Variants in MEIS2 observed in about 807,000 individuals in gnomAD.
The protein encoded by MEIS2 is Meis homeobox 2, also known as homeobox protein Meis2.
Under a neutral mutation model 58.6 loss-of-function variants are expected in MEIS2, and 9 were observed. That is an observed-to-expected ratio of 0.15 (90% CI 0.09 to 0.27). The LOEUF is 0.27. Ranked by LOEUF, MEIS2 falls within the 10% of genes least tolerant of loss-of-function variation. The probability of loss-of-function intolerance (pLI) is 1.00; values close to 1 mark genes in which losing one functional copy is unlikely to be tolerated. For missense variants in MEIS2, 427 were observed against 635.0 expected, an observed-to-expected ratio of 0.67 and a Z score of 3.52; for synonymous variants, 221 against 228.4, an observed-to-expected ratio of 0.97 and a Z score of 0.29.
chr15:36,974,628 T>G (rs920695884), intron 8 of MEIS2, among the ~76,000 whole-genome samples: 124 of 152,226 alleles, frequency 8.1e-4, no homozygotes, highest in African/African-American at 2.9e-3. Context: ...TGTTTAAGTC[T>G]GTGGCTTTGA....
At chr15:37,089,782 A>C (rs533652018) in intron 6 of MEIS2, among the ~76,000 whole-genome samples, 45 of 152,190 alleles carry the variant, frequency 3.0e-4, no homozygotes, top group Non-Finnish European at 4.9e-4. Flanking sequence ...ACTTCAAGCA[A>C]GTAGATTTCA....
chr15:37,044,230 G>A (rs1432258088), intron 7 of MEIS2, among the ~76,000 whole-genome samples: 1 of 151,994 alleles, frequency 6.6e-6, no homozygotes, highest in African/African-American at 2.4e-5. Context: ...GCTGCTGGGA[G>A]AAGAAGATGT....
intron 9 of MEIS2, among the ~76,000 whole-genome samples, chr15:36,911,169 A>G (rs1198121252): frequency 2.6e-5 from 4 of 151,922 alleles, no homozygotes; most frequent in African/African-American, 7.3e-5. Flanking sequence ...TTTCCTACTC[A>G]ATGAAATATT....
chr15:37,065,351 T>C (rs1280450755), intron 7 of MEIS2, among the ~76,000 whole-genome samples: 1 of 152,168 alleles, frequency 6.6e-6, no homozygotes, highest in African/African-American at 2.4e-5. Flanking sequence ...AGAAATTCTT[T>C]AGAGGAAAAA....
At chr15:36,945,873 C>G (rs2141375274) in intron 9 of MEIS2, among the ~76,000 whole-genome samples, 1 of 152,056 alleles carries the variant, frequency 6.6e-6, no homozygotes. Context: ...GGCCTGGAGA[C>G]AGCCTTCTAT....
chr15:37,074,187 C>T (rs1234257115), intron 7 of MEIS2, among the ~76,000 whole-genome samples: 1 of 151,904 alleles, frequency 6.6e-6, no homozygotes, highest in East Asian at 1.9e-4. Context: ...AAACACGCCT[C>T]ATATTTTAGC....
intron 7 of MEIS2, among the ~76,000 whole-genome samples, chr15:37,065,874 A>G (rs917465529): frequency 1.3e-5 from 2 of 152,184 alleles, no homozygotes; most frequent in African/African-American, 4.8e-5. Flanking sequence ...AGATCTTATT[A>G]TTCCCAAAGT....
Position 36,931,300 on chromosome 15 carries a change from A to T in MEIS2, c.977+19024T>A, listed in dbSNP as rs560326194. Among the ~76,000 whole-genome samples, 9 of 152,324 alleles carry T rather than the reference A, an allele frequency of 5.9e-5. 1 individual carries two copies. In the South Asian group the frequency reaches 1.9e-3, roughly 32 times the overall value. On this transcript the variant is annotated intron_variant, in intron 9 of 11. Coordinates refer to ENST00000561208, the MANE Select transcript of MEIS2 (RefSeq NM_170675.5). Reference sequence around the variant, plus strand: ...GAAAATAAATGCTGTTTTGTACAGAATAGCACAACCTTGATGGGTGTACTA... The same window carrying T: ...GAAAATAAATGCTGTTTTGTACAGATTAGCACAACCTTGATGGGTGTACTA...
intron 7 of MEIS2, among the ~76,000 whole-genome samples, chr15:37,077,612 C>G (rs972303642): frequency 1.3e-5 from 2 of 151,970 alleles, no homozygotes; most frequent in African/African-American, 4.8e-5. Flanking sequence ...CTGGAACAGA[C>G]AGTGCTACAG....
chr15:37,031,184 C>A (rs1275795675), intron 8 of MEIS2, among the ~76,000 whole-genome samples: 2 of 152,148 alleles, frequency 1.3e-5, no homozygotes, highest in African/African-American at 2.4e-5. Context: ...TAGAATTATT[C>A]TTCTTCTGCA....
chr15:37,062,737 C>A lies in MEIS2; in HGVS notation c.754+21034G>T, dbSNP rs572124012. Among the ~76,000 whole-genome samples the A allele has an allele frequency of 2.0e-5, 3 of 152,274 alleles. No individual in the cohort carries two copies. The South Asian group carries it at 6.2e-4, about 32-fold the overall frequency. On this transcript the variant is annotated intron_variant, in intron 7 of 11. Coordinates refer to ENST00000561208, the MANE Select transcript of MEIS2 (RefSeq NM_170675.5). ...ATATAAGGACCCCTGAAGAATTTAA[C>A]CAAATTTACCTTCTTCTGTTGAATT...
intron 9 of MEIS2, among the ~76,000 whole-genome samples, chr15:36,936,753 G>C (rs1024635683): frequency 6.6e-6 from 1 of 152,134 alleles, no homozygotes; most frequent in Non-Finnish European, 1.5e-5. Flanking sequence ...TGAATGCCCA[G>C]TTTTCTGAGG....
chr15:36,926,639 T>C (rs541145532), intron 9 of MEIS2, among the ~76,000 whole-genome samples: 6 of 152,284 alleles, frequency 3.9e-5, no homozygotes, highest in African/African-American at 1.4e-4. Context: ...GGTGGGCAGG[T>C]CTTGATAATT....
chr15:36,913,734 A>G (rs1595711007), intron 9 of MEIS2, among the ~76,000 whole-genome samples: 1 of 132,086 alleles, frequency 7.6e-6, no homozygotes, highest in African/African-American at 2.6e-5. Flanking sequence ...TCAGGGGGAG[A>G]AAAAAAAAAG....
At chr15:36,945,299 G>A (rs2058523777) in intron 9 of MEIS2, among the ~76,000 whole-genome samples, 1 of 152,034 alleles carries the variant, frequency 6.6e-6, no homozygotes, top group Non-Finnish European at 1.5e-5. Context: ...GATCCAGGAG[G>A]CAAATGATTG....
chr15:36,926,902 C>T (rs756277082), intron 9 of MEIS2, among the ~76,000 whole-genome samples: 2 of 152,130 alleles, frequency 1.3e-5, no homozygotes, highest in Admixed American at 6.5e-5. Flanking sequence ...ATTATAGTCA[C>T]CTGCTGGTAT....
Position 36,890,581 on chromosome 15 carries a change from C to T in MEIS2, c.*1592G>A, listed in dbSNP as rs1389636930. On this transcript the variant is annotated 3_prime_UTR_variant, in exon 12 of 12. Transcript: ENST00000561208. ...CTATGAACACCCATATGTAAATTTTCATTTACATATCCAACAATATTGTAG... is the reference window on the plus strand; with the variant it reads ...CTATGAACACCCATATGTAAATTTTTATTTACATATCCAACAATATTGTAG... 1 of 152,208 alleles carries T rather than the reference C, an allele frequency of 6.6e-6. No individual in the cohort carries two copies. The highest frequency in any genetic ancestry group is 1.5e-5 in the Non-Finnish European group (1 of 67,982). The allele number at this position is 152,208 out of a possible 1,614,324, so 9.4% of individuals were successfully genotyped here. A position where few individuals can be genotyped will look rare whatever the true frequency, so the allele number is the denominator to read the frequency against.
chr15:36,995,706 TAAAA>T (rs71821151), intron 8 of MEIS2, among the ~76,000 whole-genome samples: 7 of 4,120 alleles, frequency 1.7e-3, no homozygotes, highest in Non-Finnish European at 1.9e-3. Flanking sequence ...TTACAGCTAC[TAAAA>T]AAAAAAAAAA....
chr15:37,055,626 G>A (rs1177422761), intron 7 of MEIS2, among the ~76,000 whole-genome samples: 3 of 152,178 alleles, frequency 2.0e-5, no homozygotes, highest in Non-Finnish European at 4.4e-5. Context: ...CAGAGGTGGA[G>A]AAACCACTCC....
Sources: allele counts gnomAD v4.1 joint callset (sites outside exome capture counted in the v4.1 genomes callset), GRCh38; gene constraint gnomAD v4.1.1; transcripts MANE v1.5; gene names NCBI Gene and HGNC (gene_info 2026-07-23, HGNC 2026-07-21).